TSPAN7: variants seen among roughly 807,000 people sequenced by gnomAD.
TSPAN7 encodes the protein tetraspanin 7.
Under a neutral mutation model 17.6 loss-of-function variants are expected in TSPAN7, and 1 was observed. That is an observed-to-expected ratio of 0.06 (90% CI 0.02 to 0.27). The LOEUF (loss-of-function observed/expected upper bound fraction) is 0.27, where lower values mean the gene tolerates loss of function less well. TSPAN7 is among the 10% of genes least tolerant of loss of function. TSPAN7 has a pLI of 1.00. For synonymous variants in TSPAN7, 78 were observed against 79.0 expected, an observed-to-expected ratio of 0.99 and a Z score of 0.07; for missense variants, 112 against 201.7, an observed-to-expected ratio of 0.56 and a Z score of 2.69.
In TSPAN7 at chrX:38,649,159, C is replaced by G. The variant is rs180730319; in HGVS notation, c.82-16962C>G. Among the ~76,000 whole-genome samples, 232 of 111,431 alleles carry G rather than the reference C, an allele frequency of 2.1e-3. 1 individual carries two copies. Among genetic ancestry groups the G allele is most frequent in the African/African-American group, 7.3e-3 (225 of 30,616 alleles). ...GTTAACAGATTGTGACACAGTGTGA[C>G]ACCTCTTCGTATGCTGTATTGTCCA... On this transcript the variant is annotated intron_variant, in intron 1 of 7. Transcript: ENST00000378482.
intron 1 of TSPAN7, among the ~76,000 whole-genome samples, chrX:38,575,710 TG>T (rs2069190635): frequency 8.9e-6 from 1 of 112,184 alleles, no homozygotes; most frequent in African/African-American, 3.2e-5. Context: ...GCTGGAAATT[TG>T]GAAGCAATTA....
rs746630950 is a variant in TSPAN7 at position 38,609,097 on chromosome X, G to A, written c.81+47470G>A. 1.2e-3 allele frequency among the ~76,000 whole-genome samples: 137 copies of A among 112,280 alleles called. 1 individual carries two copies. The highest frequency in any genetic ancestry group is 1.9e-3 in the Non-Finnish European group (101 of 53,228). ...TTAATATGCAGTACCAAATTGCCCTGTAGAAATGAGCCTGTTTACACACTC... is the reference window on the plus strand; with the variant it reads ...TTAATATGCAGTACCAAATTGCCCTATAGAAATGAGCCTGTTTACACACTC... On this transcript the variant is annotated intron_variant, in intron 1 of 7. Coordinates refer to ENST00000378482, the MANE Select transcript of TSPAN7 (RefSeq NM_004615.4).
At position 38,676,214 on chromosome X, in the gene TSPAN7, A is replaced by G. The variant is rs185804106; in HGVS notation, c.597+354A>G. 3.6e-4 allele frequency among the ~76,000 whole-genome samples: 40 copies of G among 111,044 alleles called. 1 individual carries two copies. The highest frequency in any genetic ancestry group is 1.1e-3 in the African/African-American group (35 of 30,482). Reference sequence around the variant, plus strand: ...GCTTAATATACCATCTAAACATGAAATTGTTTGCAGCTGGGTGTCAGTTTT... The same window carrying G: ...GCTTAATATACCATCTAAACATGAAGTTGTTTGCAGCTGGGTGTCAGTTTT... On this transcript the variant is annotated intron_variant, in intron 5 of 7. Transcript: ENST00000378482.
intron 5 of TSPAN7, 119 bp from the exon 6 acceptor site, chrX:38,681,085 G>A (rs2069887829): frequency 1.7e-6 from 1 of 576,298 alleles, no homozygotes; most frequent in Non-Finnish European, 3.1e-6. Flanking sequence ...CCTAGAGTGA[G>A]TTGCAATTGT....
At chrX:38,679,050 T>A (rs1263756532) in intron 5 of TSPAN7, among the ~76,000 whole-genome samples, 1 of 112,062 alleles carries the variant, frequency 8.9e-6, no homozygotes, top group Non-Finnish European at 1.9e-5. Context: ...TTCGGCTCAG[T>A]TGTACTAATG....
chrX:38,645,665 A>T (rs2069640675), intron 1 of TSPAN7, among the ~76,000 whole-genome samples: 2 of 111,889 alleles, frequency 1.8e-5, no homozygotes, highest in South Asian at 7.5e-4. Context: ...AACAACGCTT[A>T]TTTTTCCCAA....
intron 1 of TSPAN7, among the ~76,000 whole-genome samples, chrX:38,588,935 G>C (rs1053053116): frequency 9.0e-6 from 1 of 111,523 alleles, no homozygotes; most frequent in African/African-American, 3.3e-5. Flanking sequence ...AAAAACCTCA[G>C]GCATTTAAAT....
intron 3 of TSPAN7, 38 bp downstream of exon 3, chrX:38,671,488 G>T (rs768249231): frequency 2.7e-5 from 31 of 1,154,264 alleles, no homozygotes; most frequent in African/African-American, 3.5e-5. Context: ...GTTAAGGGGT[G>T]TTTGGGAGGA....
At chrX:38,627,774 G>T (rs1479103746) in intron 1 of TSPAN7, among the ~76,000 whole-genome samples, 3 of 113,191 alleles carry the variant, frequency 2.7e-5, no homozygotes, top group Non-Finnish European at 5.6e-5. Flanking sequence ...TGCCCCTTGT[G>T]GGGGGATGGC....
At chrX:38,565,474 C>T (rs888930576) in intron 1 of TSPAN7, among the ~76,000 whole-genome samples, 4 of 112,173 alleles carry the variant, frequency 3.6e-5, no homozygotes, top group Non-Finnish European at 3.8e-5. Flanking sequence ...GTGATCTGCC[C>T]GCCTCAGCCT....
intron 1 of TSPAN7, among the ~76,000 whole-genome samples, chrX:38,565,266 G>A (rs1207670050): frequency 8.9e-6 from 1 of 112,107 alleles, no homozygotes; most frequent in African/African-American, 3.2e-5. Context: ...GTCTCGCTGT[G>A]TTGCCCAGGC....
At chrX:38,687,809 A>G (rs1331052205) in intron 7 of TSPAN7, 130 bp from the exon 8 acceptor site, 1 of 445,866 alleles carries the variant, frequency 2.2e-6, no homozygotes, top group Non-Finnish European at 3.7e-6. Flanking sequence ...CAGAAATCTC[A>G]TTTCTGTGGT....
intron 1 of TSPAN7, chrX:38,562,905 T>C: frequency 1.2e-6 from 1 of 819,207 alleles, no homozygotes; most frequent in Non-Finnish European, 1.5e-6. Context: ...CCTTTGCTTG[T>C]TTTCTTCTTG....
At chrX:38,591,592 A>G (rs2069292211) in intron 1 of TSPAN7, among the ~76,000 whole-genome samples, 1 of 112,193 alleles carries the variant, frequency 8.9e-6, no homozygotes, top group South Asian at 3.7e-4. Context: ...CTATCAATAA[A>G]GAGAGTCTTT....
chrX:38,601,181 T>C (rs2069344820), intron 1 of TSPAN7, among the ~76,000 whole-genome samples: 1 of 111,808 alleles, frequency 8.9e-6, no homozygotes, highest in Non-Finnish European at 1.9e-5. Context: ...TGTGAAAATA[T>C]GCAGTTGTTA....
intron 1 of TSPAN7, among the ~76,000 whole-genome samples, chrX:38,625,950 T>G (rs1397490685): frequency 1.8e-5 from 2 of 111,624 alleles, no homozygotes; most frequent in East Asian, 5.7e-4. Context: ...GGAAAAGAGA[T>G]CCAAAGGAGA....
intron 1 of TSPAN7, among the ~76,000 whole-genome samples, chrX:38,643,846 A>T (rs2069629338): frequency 9.0e-6 from 1 of 111,360 alleles, no homozygotes. Context: ...CTCCGTCTCA[A>T]AAAATAAAAT....
chrX:38,578,290 A>G, intron 1 of TSPAN7, among the ~76,000 whole-genome samples: 1 of 111,949 alleles, frequency 8.9e-6, no homozygotes, highest in Non-Finnish European at 1.9e-5. Context: ...TAGGTGTAAT[A>G]GGTACAGCAA....
chrX:38,592,686 C>CT (rs1200716598), intron 1 of TSPAN7, among the ~76,000 whole-genome samples: 8 of 110,462 alleles, frequency 7.2e-5, no homozygotes, highest in African/African-American at 2.6e-4. Flanking sequence ...CATTCCTAGC[C>CT]TTTTTTTCTA....
Sources: allele counts gnomAD v4.1 joint callset (sites outside exome capture counted in the v4.1 genomes callset), GRCh38; gene constraint gnomAD v4.1.1; transcripts MANE v1.5; gene names NCBI Gene and HGNC (gene_info 2026-07-23, HGNC 2026-07-21).